Variants in NIPA1 observed in about 807,000 individuals in gnomAD.
NIPA1 encodes magnesium transporter NIPA1.
NIPA1 carries 13 observed loss-of-function variants against 23.9 expected under a neutral mutation model. The ratio of observed to expected loss-of-function variants is 0.54; its 90% CI spans 0.35 to 0.87. The LOEUF is 0.87. Among genes scored for constraint, NIPA1 ranks in the 40% least tolerant of loss-of-function variants. The probability of loss-of-function intolerance (pLI) is 0.01; values close to 1 mark genes in which losing one functional copy is unlikely to be tolerated. For missense variants in NIPA1, 362 were observed against 429.7 expected (o/e 0.84, Z 1.39); for synonymous variants, 234 against 202.9 (o/e 1.15, Z -1.30).
chr15:22,822,301 G>A (rs1895554669), intron 4 of NIPA1, among the ~76,000 whole-genome samples: 1 of 152,146 alleles, frequency 6.6e-6, no homozygotes, highest in Non-Finnish European at 1.5e-5. Flanking sequence ...TCAGTTACAA[G>A]TCCGAGGAGA....
chr15:22,807,078 C>T (rs1004687057), intron 1 of NIPA1, among the ~76,000 whole-genome samples: 2 of 152,120 alleles, frequency 1.3e-5, no homozygotes, highest in African/African-American at 4.8e-5. Flanking sequence ...AATCCAGGCT[C>T]TTGATGGAGA....
intron 1 of NIPA1, among the ~76,000 whole-genome samples, chr15:22,810,343 TCAAACC>T: frequency 6.6e-6 from 1 of 152,124 alleles, no homozygotes; most frequent in East Asian, 1.9e-4. Flanking sequence ...AAGCAGGAAG[TCAAACC>T]CTATGATAAT....
intron 1 of NIPA1, among the ~76,000 whole-genome samples, chr15:22,806,081 G>A (rs57196106): frequency 0.022 from 3,291 of 152,098 alleles, 113 homozygotes; most frequent in African/African-American, 0.075. Context: ...CCGCCACCAC[G>A]CCCAGCTAAT....
intron 4 of NIPA1, among the ~76,000 whole-genome samples, chr15:22,822,856 A>G (rs1453211932): frequency 1.3e-5 from 2 of 151,988 alleles, no homozygotes; most frequent in Non-Finnish European, 2.9e-5. Flanking sequence ...AACAAGAAAA[A>G]AAGAGAATGG....
chr15:22,789,597 A>G (rs998355786), intron 1 of NIPA1, among the ~76,000 whole-genome samples: 4 of 151,910 alleles, frequency 2.6e-5, no homozygotes, highest in Non-Finnish European at 4.4e-5. Flanking sequence ...GGGGTTGAGC[A>G]CCTCCCGCCG....
intron 3 of NIPA1, chr15:22,814,026 A>C (rs1895367586): frequency 4.7e-6 from 4 of 848,830 alleles, no homozygotes; most frequent in Non-Finnish European, 6.8e-6. Context: ...AACTGTTCTC[A>C]TGCACTTTGA....
intron 1 of NIPA1, among the ~76,000 whole-genome samples, chr15:22,800,541 C>T (rs7165855): frequency 0.067 from 10,122 of 151,960 alleles, 749 homozygotes; most frequent in African/African-American, 0.18. Context: ...TCTATAATCC[C>T]AACACTTTTG....
At position 22,786,801 on chromosome 15, in the gene NIPA1, CAGA is replaced by C; in HGVS notation, c.151_153del (p.Lys51del). The stretch of plus-strand genomic sequence containing the variant: ...GGTGAACGGGTCCACGTTCGTGCTA[CAGA>C]AGAAGGGCATCGTGCGTGCCAAGCG... On this transcript the variant is annotated inframe_deletion, in exon 1 of 5. Coordinates refer to ENST00000337435, the MANE Select transcript of NIPA1 (RefSeq NM_144599.5). 1 of 1,297,500 alleles carries C rather than the reference CAGA, an allele frequency of 7.7e-7. No individual in the cohort carries two copies. The highest frequency in any genetic ancestry group is 1.0e-6 in the Non-Finnish European group (1 of 1,000,994). 80.4% of individuals were successfully genotyped at this position (1,297,500 alleles called of 1,614,324 possible). A position where few individuals can be genotyped will look rare whatever the true frequency, so the allele number is the denominator to read the frequency against.
Position 22,786,711 on chromosome 15 carries a change from G to T in NIPA1, c.55G>T (p.Gly19Trp). 8.5e-7 allele frequency: 1 copy of T among 1,182,656 alleles called. No individual in the cohort carries two copies. Among genetic ancestry groups the T allele is most frequent in the Non-Finnish European group, 1.1e-6 (1 of 944,136 alleles). 73.3% of individuals were successfully genotyped at this position (1,182,656 alleles called of 1,614,324 possible). A position where few individuals can be genotyped will look rare whatever the true frequency, so the allele number is the denominator to read the frequency against. Residue 19 changes from glycine to tryptophan, a missense_variant, in exon 1 of 5, where the codon GGG (glycine) becomes TGG (tryptophan). By Grantham distance (184) the Gly-to-Trp change is radical (BLOSUM62 -2). Transcript: ENST00000337435. ...GGCGGCGGCGGCGGCGGCCGGGGAGGGGGCGCGTAGCCCGAGCCCCGCCGC... is the reference window on the plus strand; with the variant it reads ...GGCGGCGGCGGCGGCGGCCGGGGAGTGGGCGCGTAGCCCGAGCCCCGCCGC... ...AAAAAAAAGEGARSPSPAAVS... is the reference protein window; with the variant it reads ...AAAAAAAAGEWARSPSPAAVS...
upstream of NIPA1, chr15:22,786,614 G>A: frequency 1.2e-6 from 1 of 838,656 alleles, no homozygotes; most frequent in Non-Finnish European, 1.4e-6. Flanking sequence ...GCCCCGCGGG[G>A]CGCGGCGCGC....
intron 1 of NIPA1, among the ~76,000 whole-genome samples, chr15:22,796,794 G>T (rs1483063208): frequency 6.6e-6 from 1 of 152,134 alleles, no homozygotes; most frequent in Admixed American, 6.6e-5. Context: ...CCATGTCCCC[G>T]ACCCATGCAG....
chr15:22,806,538 C>CA (rs1895216769), intron 1 of NIPA1, among the ~76,000 whole-genome samples: 1 of 123,514 alleles, frequency 8.1e-6, no homozygotes, highest in Admixed American at 6.9e-5. Context: ...TCCTTCAGTG[C>CA]TGCAGCTCCC....
At chr15:22,809,110 G>A (rs1389372516) in intron 1 of NIPA1, among the ~76,000 whole-genome samples, 1 of 152,138 alleles carries the variant, frequency 6.6e-6, no homozygotes, top group Non-Finnish European at 1.5e-5. Flanking sequence ...ACTGTGGCTG[G>A]GCACGGTGAT....
chr15:22,789,788 G>C (rs1157848849), intron 1 of NIPA1, among the ~76,000 whole-genome samples: 1 of 152,018 alleles, frequency 6.6e-6, no homozygotes, highest in East Asian at 1.9e-4. Context: ...GCAAGGTTTA[G>C]AGCAGGAATG....
At position 22,827,911 on chromosome 15, in the gene NIPA1, C is replaced by T. The variant is rs1429954445; in HGVS notation, c.*3672C>T. 2 of 152,238 alleles carry T rather than the reference C, an allele frequency of 1.3e-5. No individual in the cohort carries two copies. The highest frequency in any genetic ancestry group is 4.8e-5 in the African/African-American group (2 of 41,428). 9.4% of individuals were successfully genotyped at this position (152,238 alleles called of 1,614,324 possible). ...CGGGGGATTCCTCTTCTTCAAGCTG[C>T]TCAGCTAACCCAGAAGAGGGGAGAG... On this transcript the variant is annotated 3_prime_UTR_variant, in exon 5 of 5. Coordinates refer to ENST00000337435, the MANE Select transcript of NIPA1 (RefSeq NM_144599.5).
At position 22,827,566 on chromosome 15, in the gene NIPA1, G is replaced by A. The variant is rs994862606; in HGVS notation, c.*3327G>A. 8 of 152,156 alleles carry A rather than the reference G, an allele frequency of 5.3e-5. No homozygotes were observed. The highest frequency in any genetic ancestry group is 1.0e-4 in the Non-Finnish European group (7 of 68,030). 9.4% of individuals were successfully genotyped at this position (152,156 alleles called of 1,614,324 possible). A position where few individuals can be genotyped will look rare whatever the true frequency, so the allele number is the denominator to read the frequency against. On this transcript the variant is annotated 3_prime_UTR_variant, in exon 5 of 5. Coordinates refer to ENST00000337435, the MANE Select transcript of NIPA1 (RefSeq NM_144599.5). ...TTCGCAGCTCTTTGTTCAGCAATAA[G>A]GAATATTCTTTCAATTCCTGCTCTT...
At chr15:22,787,883 G>T (rs1022903850) in intron 1 of NIPA1, among the ~76,000 whole-genome samples, 4 of 152,116 alleles carry the variant, frequency 2.6e-5, no homozygotes, top group South Asian at 2.1e-4. Context: ...CGACAGTCTC[G>T]AATGAAAATA....
intron 1 of NIPA1, among the ~76,000 whole-genome samples, chr15:22,809,120 T>C (rs1379180124): frequency 6.6e-6 from 1 of 152,088 alleles, no homozygotes; most frequent in Non-Finnish European, 1.5e-5. Context: ...GGCACGGTGA[T>C]TCACTCCTGT....
intron 1 of NIPA1, among the ~76,000 whole-genome samples, chr15:22,802,271 A>G (rs1763296521): frequency 6.6e-6 from 1 of 151,926 alleles, no homozygotes; most frequent in Admixed American, 6.6e-5. Flanking sequence ...ACATGCCTGT[A>G]ATCACAGCTA....
Sources: allele counts gnomAD v4.1 joint callset (sites outside exome capture counted in the v4.1 genomes callset), GRCh38; gene constraint gnomAD v4.1.1; transcripts MANE v1.5; gene names NCBI Gene and HGNC (gene_info 2026-07-23, HGNC 2026-07-21).